Variants in ESR2 observed in about 807,000 individuals in gnomAD.
The protein encoded by ESR2 is estrogen receptor beta.
In ESR2, 36 loss-of-function variants were observed where a neutral mutation model predicts 49.6. The ratio of observed to expected loss-of-function variants is 0.73; its 90% CI spans 0.56 to 0.96. ESR2 has a LOEUF of 0.96. Ranked by LOEUF, ESR2 falls within the 40% of genes least tolerant of loss-of-function variation. The pLI, the probability that ESR2 is intolerant of heterozygous loss-of-function variation, is 0.00. For synonymous variants in ESR2, 320 were observed against 266.1 expected, an observed-to-expected ratio of 1.20 and a Z score of -1.97; for missense variants, 714 against 693.0, an observed-to-expected ratio of 1.03 and a Z score of -0.34.
chr14:64,286,671 A>G (rs1021225996), intron 1 of ESR2, among the ~76,000 whole-genome samples: 1 of 152,128 alleles, frequency 6.6e-6, no homozygotes, highest in African/African-American at 2.4e-5. Flanking sequence ...AATATGCAGG[A>G]TAAAACATAT....
At chr14:64,334,365 T>C (rs1239517030) in intron 1 of ESR2, among the ~76,000 whole-genome samples, 1 of 152,236 alleles carries the variant, frequency 6.6e-6, no homozygotes, top group Non-Finnish European at 1.5e-5. Flanking sequence ...CTCATTCACA[T>C]GTCACAGAAG....
chr14:64,239,703 T>C (rs959735714), intron 7 of ESR2, among the ~76,000 whole-genome samples: 3 of 152,194 alleles, frequency 2.0e-5, no homozygotes, highest in African/African-American at 4.8e-5. Flanking sequence ...CTAACAAGCA[T>C]TGTAACAGGT....
chr14:64,227,521 T>C, downstream of ESR2: 1 of 1,613,456 alleles, frequency 6.2e-7, no homozygotes, highest in African/African-American at 1.3e-5. Context: ...GGCCACCGAG[T>C]TGATTAGAGG....
Position 64,280,048 on chromosome 14 carries a change from T to C in ESR2, c.468A>G (p.Ala156=), listed in dbSNP as rs1541060. Residue 156 remains alanine (A), a synonymous_variant, in exon 3 of 9, where the codon GCA becomes GCG. Coordinates refer to ENST00000341099, the MANE Select transcript of ESR2 (RefSeq NM_001437.3). ...AHFCAVCSDY[A]SGYHYGVWSC... ...ACCAGACTCCATAGTGATATCCCGA[T>C]GCGTAATCGCTGCAGACAGCGCAGA... 9 of 1,614,162 alleles carry C rather than the reference T, an allele frequency of 5.6e-6. No individual in the cohort carries two copies. The highest frequency in any genetic ancestry group is 1.3e-5 in the African/African-American group (1 of 75,054).
At chr14:64,260,088 C>T in intron 5 of ESR2, 1 of 479,768 alleles carries the variant, frequency 2.1e-6, no homozygotes, top group Non-Finnish European at 4.1e-6. Flanking sequence ...GTGTCTGTAG[C>T]AGATGTGGAC....
At position 64,230,926 on chromosome 14, in the gene ESR2, GTC is replaced by G. The variant is rs979703559; in HGVS notation, c.*2209_*2210del. The G allele has an allele frequency of 7.3e-6, 1 of 136,920 alleles. No individual in the cohort carries two copies. Among genetic ancestry groups the G allele is most frequent in the Non-Finnish European group, 1.5e-5 (1 of 65,416 alleles). 8.5% of individuals were successfully genotyped at this position (136,920 alleles called of 1,614,324 possible). On this transcript the variant is annotated 3_prime_UTR_variant, in exon 9 of 9. Coordinates refer to ENST00000341099, the MANE Select transcript of ESR2 (RefSeq NM_001437.3). ...TTTTTTTTTTTTTTTTTGAGACAGG[GTC>G]TCCCTCTGTCACCCAGGCTGGAGTG...
At chr14:64,246,213 C>A (rs909978675) in intron 7 of ESR2, among the ~76,000 whole-genome samples, 1 of 152,152 alleles carries the variant, frequency 6.6e-6, no homozygotes, top group Non-Finnish European at 1.5e-5. Flanking sequence ...CAAATCTCAT[C>A]TTGAATTGTA....
At chr14:64,267,035 C>G (rs984992606) in intron 4 of ESR2, among the ~76,000 whole-genome samples, 1 of 152,168 alleles carries the variant, frequency 6.6e-6, no homozygotes, top group African/African-American at 2.4e-5. Flanking sequence ...CACATGCCAC[C>G]ACGCCCGGCT....
intron 1 of ESR2, among the ~76,000 whole-genome samples, chr14:64,289,342 G>A (rs545123793): frequency 4.0e-4 from 61 of 151,832 alleles, no homozygotes; most frequent in Non-Finnish European, 6.9e-4. Context: ...GAGAAACCCC[G>A]TCTCTACTAA....
intron 1 of ESR2, among the ~76,000 whole-genome samples, chr14:64,329,226 G>A (rs1049332740): frequency 2.0e-5 from 3 of 152,096 alleles, no homozygotes; most frequent in East Asian, 3.9e-4. Context: ...TTACAACAAC[G>A]AGATCTTGTG....
intron 7 of ESR2, among the ~76,000 whole-genome samples, chr14:64,245,217 A>G (rs1220808402): frequency 6.6e-6 from 1 of 152,176 alleles, no homozygotes; most frequent in Non-Finnish European, 1.5e-5. Flanking sequence ...TATGACTACC[A>G]AGAAAGGAAC....
rs772586318 is a variant in ESR2 at position 64,268,759 on chromosome 14, G to A, written c.652+36C>T. The A allele has an allele frequency of 3.3e-6, 4 of 1,217,898 alleles. No homozygotes were observed. In the South Asian group the frequency reaches 4.9e-5, roughly 15 times the overall value. The allele number at this position is 1,217,898 out of a possible 1,614,324, so 75.4% of individuals were successfully genotyped here. A position where few individuals can be genotyped will look rare whatever the true frequency, so the allele number is the denominator to read the frequency against. On this transcript the variant is annotated intron_variant, in intron 4 of 8. Transcript: ENST00000341099. The stretch of plus-strand genomic sequence containing the variant: ...CCTCAGAGGACAGGGCTTTTAGCAA[G>A]GCCCATATTCAATAAGAAGGGAAGC...
chr14:64,329,526 T>C (rs901927931), intron 1 of ESR2: 2 of 152,138 alleles, frequency 1.3e-5, no homozygotes, highest in African/African-American at 2.4e-5. Flanking sequence ...CTCATGCCTG[T>C]AATCTCAGCA....
chr14:64,282,825 A>G lies in ESR2; in HGVS notation c.161T>C (p.Met54Thr). 1 of 1,614,248 alleles carries G rather than the reference A, an allele frequency of 6.2e-7. No individual in the cohort carries two copies. The highest frequency in any genetic ancestry group is 8.5e-7 in the Non-Finnish European group (1 of 1,180,028). Residue 54 changes from methionine to threonine, a missense_variant, in exon 2 of 9, where the codon ATG (methionine) becomes ACG (threonine). Physicochemically the swap from Met to Thr is moderately conservative, Grantham distance 81 (BLOSUM62 -1). Transcript: ENST00000341099. The part of the protein sequence containing the change: ...PAMTFYSPAV[M>T]NYSIPSNVTN... Reference sequence around the variant, plus strand: ...GACATTGCTGGGAATGCTGTAATTCATCACAGCAGGGCTATAGAATGTCAT... The same window carrying G: ...GACATTGCTGGGAATGCTGTAATTCGTCACAGCAGGGCTATAGAATGTCAT...
chr14:64,228,053 C>T (rs745931127), downstream of ESR2: 17 of 1,397,244 alleles, frequency 1.2e-5, no homozygotes, highest in African/African-American at 1.5e-5. Context: ...GACCTGTGGT[C>T]ATAAATCAAT....
At chr14:64,285,426 C>T (rs2076767930) in intron 1 of ESR2, among the ~76,000 whole-genome samples, 1 of 152,100 alleles carries the variant, frequency 6.6e-6, no homozygotes, top group Admixed American at 6.6e-5. Context: ...AGGTGGTTGG[C>T]TTGTTATACC....
At chr14:64,228,002 T>TACC, downstream of ESR2, 1 of 1,538,682 alleles carries the variant, frequency 6.5e-7, no homozygotes, top group Non-Finnish European at 8.7e-7. Flanking sequence ...ATGCACTGGA[T>TACC]ACCAGGACTT....
intron 1 of ESR2, chr14:64,332,324 T>G (rs1166346274): frequency 1.3e-5 from 2 of 152,188 alleles, no homozygotes; most frequent in Non-Finnish European, 2.9e-5. Flanking sequence ...ATCTGCGAAA[T>G]GCAAACCCCA....
intron 1 of ESR2, among the ~76,000 whole-genome samples, chr14:64,303,950 C>T (rs549795224): frequency 6.6e-6 from 1 of 152,118 alleles, no homozygotes; most frequent in Non-Finnish European, 1.5e-5. Flanking sequence ...TTTATAAAGG[C>T]AAAAGAAAGA....
Sources: gnomAD v4.1 joint callset for allele counts (sites outside exome capture counted in the v4.1 genomes callset) on GRCh38, gnomAD v4.1.1 for gene constraint, MANE v1.5 for transcripts, NCBI Gene and HGNC (gene_info 2026-07-23, HGNC 2026-07-21) for gene names.